NPRL3: variants seen among roughly 807,000 people sequenced by gnomAD.
NPRL3 encodes the protein NPR3 like, GATOR1 complex subunit.
NPRL3 carries 23 observed loss-of-function variants against 57.2 expected under a neutral mutation model. The ratio of observed to expected loss-of-function variants is 0.40; its 90% CI spans 0.29 to 0.57. The LOEUF is 0.57. NPRL3 is among the 20% of genes least tolerant of loss of function. The pLI, the probability that NPRL3 is intolerant of heterozygous loss-of-function variation, is 0.42. For synonymous variants in NPRL3, 333 were observed against 321.1 expected (o/e 1.04, Z -0.39); for missense variants, 691 against 767.1 (o/e 0.90, Z 1.17).
chr16:87,283 T>TCGA (rs1567127762), intron 13 of NPRL3, among the ~76,000 whole-genome samples: 3 of 151,928 alleles, frequency 2.0e-5, no homozygotes, highest in African/African-American at 7.3e-5. Flanking sequence ...CCAGGCTAGA[T>TCGA]TGCAGTGGCT....
chr16:115,022 C>T (rs1899969905), intron 5 of NPRL3, among the ~76,000 whole-genome samples: 1 of 151,424 alleles, frequency 6.6e-6, no homozygotes, highest in Non-Finnish European at 1.5e-5. Context: ...CTTGCCCAAG[C>T]TGGAGTGCAG....
At chr16:120,909 A>G (rs979932150) in intron 3 of NPRL3, among the ~76,000 whole-genome samples, 2 of 152,156 alleles carry the variant, frequency 1.3e-5, no homozygotes, top group African/African-American at 4.8e-5. Context: ...AACGCCACCA[A>G]ACACTTCTGC....
chr16:107,404 G>A (rs1899580887), intron 7 of NPRL3, among the ~76,000 whole-genome samples: 1 of 151,998 alleles, frequency 6.6e-6, no homozygotes, highest in African/African-American at 2.4e-5. Context: ...CAGCATTTTG[G>A]GAGGCCGAGC....
At chr16:95,138 T>G (rs1898932927) in intron 9 of NPRL3, among the ~76,000 whole-genome samples, 1 of 151,836 alleles carries the variant, frequency 6.6e-6, no homozygotes, top group Non-Finnish European at 1.5e-5. Flanking sequence ...CATTTAGAGC[T>G]CAACAGGATG....
intron 3 of NPRL3, among the ~76,000 whole-genome samples, chr16:129,803 T>C (rs892675278): frequency 8.6e-5 from 13 of 152,036 alleles, no homozygotes; most frequent in African/African-American, 2.7e-4. Context: ...CCCGGGACAG[T>C]GGAAGCCAAG....
chr16:132,575 G>C (rs1273878160), intron 2 of NPRL3, among the ~76,000 whole-genome samples: 2 of 152,110 alleles, frequency 1.3e-5, no homozygotes, highest in Non-Finnish European at 2.9e-5. Flanking sequence ...ATCTATAATG[G>C]CACATGCTTT....
intron 7 of NPRL3, among the ~76,000 whole-genome samples, chr16:105,674 T>C (rs1442034210): frequency 1.3e-5 from 2 of 150,366 alleles, no homozygotes; most frequent in African/African-American, 4.9e-5. Flanking sequence ...TTCTTCACAC[T>C]CCATGGAATC....
chr16:100,273 A>G lies in NPRL3; in HGVS notation c.767+99T>C, dbSNP rs376410000. 12 of 1,308,118 alleles carry G rather than the reference A, an allele frequency of 9.2e-6. No homozygotes were observed. In the South Asian group the frequency reaches 9.8e-5, roughly 11 times the overall value. 81.0% of individuals were successfully genotyped at this position (1,308,118 alleles called of 1,614,324 possible). Reference sequence around the variant, plus strand: ...GCAAGCTTCCGCAGTGGGAAGAAGAAAAAGAGAAATTTTGGAACAAAGTAA... The same window carrying G: ...GCAAGCTTCCGCAGTGGGAAGAAGAGAAAGAGAAATTTTGGAACAAAGTAA... On this transcript the variant is annotated intron_variant, in intron 8 of 13. Transcript: ENST00000611875.
chr16:127,807 A>G (rs1330857289), intron 3 of NPRL3, among the ~76,000 whole-genome samples: 1 of 150,198 alleles, frequency 6.7e-6, no homozygotes, highest in Non-Finnish European at 1.5e-5. Flanking sequence ...GGCGCCCGCC[A>G]CCATGCCCGG....
intron 9 of NPRL3, among the ~76,000 whole-genome samples, chr16:93,617 T>C (rs1365505094): frequency 6.8e-6 from 1 of 146,652 alleles, no homozygotes; most frequent in Non-Finnish European, 1.5e-5. Context: ...CAGGCTGGAG[T>C]GCAGTGGCAC....
At chr16:97,410 ATTTTTTT>A (rs34410203) in intron 9 of NPRL3, among the ~76,000 whole-genome samples, 2 of 115,086 alleles carry the variant, frequency 1.7e-5, no homozygotes, top group Admixed American at 9.8e-5. Flanking sequence ...ACACCCAGCT[ATTTTTTT>A]TTTTTTTTTT....
chr16:130,724 A>G, intron 2 of NPRL3, 133 bp from the exon 3 acceptor site: 1 of 819,334 alleles, frequency 1.2e-6, no homozygotes, highest in Non-Finnish European at 1.9e-6. Flanking sequence ...ACTCAGACAT[A>G]AAAAGGAATG....
chr16:89,937 C>T (rs1351958371), intron 11 of NPRL3, 35 bp from the exon 12 acceptor site: 2 of 1,525,462 alleles, frequency 1.3e-6, no homozygotes, highest in Admixed American at 4.2e-5. Flanking sequence ...GGTCCCCCTC[C>T]CCACTCCAAC....
At chr16:129,020 T>C (rs982806511) in intron 3 of NPRL3, among the ~76,000 whole-genome samples, 2 of 152,244 alleles carry the variant, frequency 1.3e-5, no homozygotes, top group Non-Finnish European at 2.9e-5. Flanking sequence ...TAAAAGATTC[T>C]AGAGAGAAGC....
intron 2 of NPRL3, among the ~76,000 whole-genome samples, chr16:137,158 T>C (rs1901134491): frequency 6.6e-6 from 1 of 151,634 alleles, no homozygotes; most frequent in Non-Finnish European, 1.5e-5. Context: ...AGGTGGAGGC[T>C]GCAGTGAGCC....
chr16:117,501 A>G, intron 4 of NPRL3, 126 bp from the exon 5 acceptor site: 1 of 650,180 alleles, frequency 1.5e-6, no homozygotes, highest in Admixed American at 2.9e-5. Context: ...AAAGCAATGA[A>G]TGCCTTTGCT....
chr16:85,998 A>AGGGTGG lies in NPRL3; in HGVS notation c.*701_*706dup, dbSNP rs1567126891. ...TCAGTGTGGGAGCCGAAAGCCCCCG[A>AGGGTGG]GGGTGGGGTCCTGCACAGTGGGCCA... On this transcript the variant is annotated 3_prime_UTR_variant, in exon 14 of 14. Transcript: ENST00000611875. The AGGGTGG allele has an allele frequency of 1.4e-5, 7 of 495,372 alleles. No homozygotes were observed. Among genetic ancestry groups the AGGGTGG allele is most frequent in the Non-Finnish European group, 2.3e-5 (7 of 304,630 alleles). 30.7% of individuals were successfully genotyped at this position (495,372 alleles called of 1,614,324 possible).
intron 7 of NPRL3, among the ~76,000 whole-genome samples, chr16:106,526 C>T (rs1183980990): frequency 6.7e-6 from 1 of 148,354 alleles, no homozygotes; most frequent in Non-Finnish European, 1.5e-5. Flanking sequence ...CCCAGCTACT[C>T]GGGAGGCCGA....
At chr16:94,159 C>T (rs950793439) in intron 9 of NPRL3, among the ~76,000 whole-genome samples, 9 of 152,090 alleles carry the variant, frequency 5.9e-5, no homozygotes, top group Admixed American at 2.0e-4. Context: ...CCATGTGCCC[C>T]GACTCCCACA....
Sources: gnomAD v4.1 joint callset for allele counts (sites outside exome capture counted in the v4.1 genomes callset) on GRCh38, gnomAD v4.1.1 for gene constraint, MANE v1.5 for transcripts, NCBI Gene and HGNC (gene_info 2026-07-23, HGNC 2026-07-21) for gene names.